KANK1: variants seen among roughly 807,000 people sequenced by gnomAD.
KANK1 encodes the protein KN motif and ankyrin repeat domains 1.
A neutral mutation model predicts 106.2 loss-of-function variants in KANK1; 109 were observed. That is an observed-to-expected ratio of 1.03 (90% CI 0.88 to 1.20). The LOEUF is 1.20. Ranked by LOEUF, KANK1 falls within the 50% of genes most tolerant of loss-of-function variation. The pLI, the probability that KANK1 is intolerant of heterozygous loss-of-function variation, is 0.00. For missense variants in KANK1, 2,399 were observed against 1,710.7 expected, an observed-to-expected ratio of 1.40 and a Z score of -7.10; for synonymous variants, 873 against 652.2, an observed-to-expected ratio of 1.34 and a Z score of -5.16.
intron 1 of KANK1, among the ~76,000 whole-genome samples, chr9:590,298 G>C (rs1311694745): frequency 6.6e-6 from 1 of 150,492 alleles, no homozygotes; most frequent in Non-Finnish European, 1.5e-5. Context: ...GTGAGGAGAT[G>C]ATAGATGCTT....
intron 3 of KANK1, among the ~76,000 whole-genome samples, chr9:727,877 C>G (rs939971731): frequency 6.6e-5 from 10 of 152,138 alleles, no homozygotes; most frequent in African/African-American, 2.4e-4. Context: ...TTCTAAGCCC[C>G]CTAACCAACG....
At chr9:608,938 G>A (rs1829954938) in intron 1 of KANK1, among the ~76,000 whole-genome samples, 1 of 152,122 alleles carries the variant, frequency 6.6e-6, no homozygotes, top group Admixed American at 6.5e-5. Context: ...TGGAAGCATG[G>A]GAAATAACAC....
chr9:621,994 T>G (rs1021637908), intron 1 of KANK1, among the ~76,000 whole-genome samples: 1 of 152,162 alleles, frequency 6.6e-6, no homozygotes, highest in Non-Finnish European at 1.5e-5. Context: ...ATACTAAGTT[T>G]GGTTTTCATT....
chr9:708,410 G>A (rs77024268), intron 2 of KANK1, among the ~76,000 whole-genome samples: 19 of 152,348 alleles, frequency 1.2e-4, no homozygotes, highest in Non-Finnish European at 1.5e-4. Flanking sequence ...CAGCCCTCCC[G>A]ACCAGCCCTC....
At position 576,116 on chromosome 9, in the gene KANK1, A is replaced by C. The variant is rs114311146; in HGVS notation, c.-84+71362A>C. 8.4e-3 allele frequency among the ~76,000 whole-genome samples: 1,274 copies of C among 152,358 alleles called. 16 individuals carry two copies. Among genetic ancestry groups the C allele is most frequent in the African/African-American group, 0.029 (1,188 of 41,568 alleles). ...CATCTGGGAACTTATTAGAAATTTTAAATTTTTAGGCCCTATCAGACCTAC... is the reference window on the plus strand; with the variant it reads ...CATCTGGGAACTTATTAGAAATTTTCAATTTTTAGGCCCTATCAGACCTAC... On this transcript the variant is annotated intron_variant, in intron 1 of 11. Transcript: ENST00000382297.
chr9:622,570 T>TAACACCATATACAAAATAC (rs1276915547), intron 1 of KANK1, among the ~76,000 whole-genome samples: 1 of 152,172 alleles, frequency 6.6e-6, no homozygotes, highest in Non-Finnish European at 1.5e-5. Context: ...ATTGGACCCT[T>TAACACCATATACAAAATAC]AACACCATAT....
chr9:606,457 G>C (rs1829193117), intron 1 of KANK1, among the ~76,000 whole-genome samples: 1 of 147,674 alleles, frequency 6.8e-6, no homozygotes, highest in African/African-American at 2.7e-5. Flanking sequence ...TCAGGAGGTT[G>C]AGACAGGAGA....
intron 3 of KANK1, among the ~76,000 whole-genome samples, chr9:479,074 T>C (rs1378978447): frequency 6.6e-6 from 1 of 152,144 alleles, no homozygotes. Context: ...CCATAGATTT[T>C]TAAAATACTT....
intron 2 of KANK1, among the ~76,000 whole-genome samples, chr9:692,638 A>C (rs1820253118): frequency 6.6e-6 from 1 of 151,932 alleles, no homozygotes; most frequent in South Asian, 2.1e-4. Flanking sequence ...GTTTTAGAAC[A>C]TACCCATAAC....
intron 1 of KANK1, among the ~76,000 whole-genome samples, chr9:628,342 C>G (rs934229119): frequency 5.9e-5 from 9 of 152,210 alleles, no homozygotes; most frequent in African/African-American, 2.2e-4. Context: ...TCTGTCTTGC[C>G]TTCTTCCTAA....
At chr9:686,853 T>G in intron 2 of KANK1, 1 of 985,256 alleles carries the variant, frequency 1.0e-6, no homozygotes, top group South Asian at 4.7e-5. Flanking sequence ...AAACAGCAGC[T>G]GGAATTCACA....
At chr9:493,951 C>T (rs1030234121) in intron 3 of KANK1, among the ~76,000 whole-genome samples, 7 of 151,808 alleles carry the variant, frequency 4.6e-5, no homozygotes, top group African/African-American at 9.7e-5. Context: ...GGTGCGATCT[C>T]GGCTCACCAC....
intron 2 of KANK1, among the ~76,000 whole-genome samples, chr9:699,195 C>T (rs186429883): frequency 1.6e-4 from 24 of 152,308 alleles, no homozygotes; most frequent in Admixed American, 2.6e-4. Context: ...TCCAACATAA[C>T]GCCTGCATTG....
At chr9:741,401 C>G (rs1413162146) in intron 9 of KANK1, among the ~76,000 whole-genome samples, 1 of 151,090 alleles carries the variant, frequency 6.6e-6, no homozygotes, top group Non-Finnish European at 1.5e-5. Flanking sequence ...CTCACTGCAA[C>G]CACCCCCGGC....
At chr9:671,724 T>A (rs1815175174) in intron 1 of KANK1, among the ~76,000 whole-genome samples, 1 of 151,208 alleles carries the variant, frequency 6.6e-6, no homozygotes, top group Non-Finnish European at 1.5e-5. Flanking sequence ...AGGTTGCAAA[T>A]ACAGTTGCTC....
chr9:717,737 G>A (rs1437329539), intron 3 of KANK1, among the ~76,000 whole-genome samples: 5 of 152,184 alleles, frequency 3.3e-5, no homozygotes, highest in Admixed American at 3.3e-4. Flanking sequence ...TTGAGGCATA[G>A]ATTAGTGTTT....
chr9:716,310 A>G (rs746623428), intron 3 of KANK1, among the ~76,000 whole-genome samples: 10 of 152,222 alleles, frequency 6.6e-5, no homozygotes, highest in Non-Finnish European at 1.3e-4. Flanking sequence ...CAGAGTATAA[A>G]TGCTCAATGA....
rs142490570 is a variant in KANK1, at chr9:617,442, G to C, written c.-83-59448G>C. Among the ~76,000 whole-genome samples the C allele has an allele frequency of 9.9e-5, 15 of 152,256 alleles. No homozygotes were observed. In the East Asian group the frequency reaches 2.3e-3, roughly 23 times the overall value. On this transcript the variant is annotated intron_variant, in intron 1 of 11. Coordinates refer to ENST00000382297, the MANE Select transcript of KANK1 (RefSeq NM_015158.5). The stretch of plus-strand genomic sequence containing the variant: ...AAAATGTTAGCTCATGTTCACACGG[G>C]TTTATCTGTTTAGTCTAAGAAGTAG...
intron 1 of KANK1, among the ~76,000 whole-genome samples, chr9:515,904 G>T (rs188658534): frequency 2.6e-5 from 4 of 151,856 alleles, no homozygotes; most frequent in Admixed American, 6.5e-5. Context: ...AGTTCGTTTT[G>T]ATTTATTTCC....
Sources: gnomAD v4.1 joint callset for allele counts (sites outside exome capture counted in the v4.1 genomes callset) on GRCh38, gnomAD v4.1.1 for gene constraint, MANE v1.5 for transcripts, NCBI Gene and HGNC (gene_info 2026-07-23, HGNC 2026-07-21) for gene names.